The following TECTB variants were observed in gnomAD, a reference collection of about 807,000 sequenced individuals.
The protein encoded by TECTB is tectorin beta.
TECTB carries 45 observed loss-of-function variants against 43.3 expected under a neutral mutation model. The ratio of observed to expected loss-of-function variants is 1.04; its 90% confidence interval spans 0.82 to 1.33. The LOEUF (loss-of-function observed/expected upper bound fraction) is 1.33. TECTB is among the 40% of genes most tolerant of loss of function. TECTB has a pLI of 0.00. For missense variants in TECTB, 399 were observed against 404.7 expected, an observed-to-expected ratio of 0.99 and a Z score of 0.12; for synonymous variants, 169 against 156.7, an observed-to-expected ratio of 1.08 and a Z score of -0.59.
At chr10:112,286,463 G>C in intron 5 of TECTB, 72 bp downstream of exon 5, 1 of 1,488,540 alleles carries the variant, frequency 6.7e-7, no homozygotes, top group Non-Finnish European at 9.2e-7. Context: ...ATGCTTCCTC[G>C]GGATTCAGTC....
intron 8 of TECTB, 75 bp from the exon 9 acceptor site, chr10:112,299,417 T>C (rs929777113): frequency 2.8e-6 from 4 of 1,416,326 alleles, no homozygotes; most frequent in Non-Finnish European, 4.0e-6. Flanking sequence ...ATCTTTTCTT[T>C]CTCTTTTCTC....
At chr10:112,294,475 C>T (rs1328404234) in intron 7 of TECTB, among the ~76,000 whole-genome samples, 2 of 152,070 alleles carry the variant, frequency 1.3e-5, no homozygotes, top group Non-Finnish European at 2.9e-5. Flanking sequence ...AACAGAACCA[C>T]GGTGATGATG....
intron 6 of TECTB, 41 bp downstream of exon 6, chr10:112,293,882 G>GA (rs763256480): frequency 1.1e-5 from 18 of 1,606,204 alleles, no homozygotes; most frequent in East Asian, 4.5e-5. Context: ...TAAATGCAAA[G>GA]AAAAAAAAGA....
chr10:112,289,854 T>C (rs1356662266), intron 5 of TECTB, among the ~76,000 whole-genome samples: 1 of 152,190 alleles, frequency 6.6e-6, no homozygotes, highest in Non-Finnish European at 1.5e-5. Flanking sequence ...AAAATAACTT[T>C]AGGGCAGTTT....
intron 10 of TECTB, 179 bp from the exon 11 acceptor site, chr10:112,303,084 T>C (rs1347184623): frequency 3.1e-6 from 2 of 655,590 alleles, no homozygotes; most frequent in African/African-American, 1.8e-5. Flanking sequence ...TAGGTTTATC[T>C]GTCAGGTTCT....
chr10:112,283,552 C>G (rs12411967), intron 1 of TECTB, 56 bp downstream of exon 1: 108,621 of 599,964 alleles, frequency 0.18, 10,863 homozygotes, highest in East Asian at 0.29. Flanking sequence ...AGAAACGACA[C>G]AACATCGTTT....
At chr10:112,301,162 C>G (rs1848608345) in intron 9 of TECTB, among the ~76,000 whole-genome samples, 1 of 152,212 alleles carries the variant, frequency 6.6e-6, no homozygotes, top group African/African-American at 2.4e-5. Context: ...GTGGCTCATG[C>G]CTCTAATTCC....
rs1258679092 is a variant in TECTB, at chr10:112,286,225, T to C, written c.410+12T>C. The C allele has an allele frequency of 6.2e-7, 1 of 1,614,044 alleles. No individual in the cohort carries two copies. The highest frequency in any genetic ancestry group is 2.2e-5 in the East Asian group (1 of 44,894). The stretch of plus-strand genomic sequence containing the variant: ...GCCTTTGACCAGAGGTAAGTTGCTG[T>C]GCGGCATGGAGGGCTGGCTGCCTCA... On this transcript the variant is annotated intron_variant, in intron 4 of 10. Coordinates refer to ENST00000646139, the MANE Select transcript of TECTB (RefSeq NM_058222.3).
rs1196427539 is a variant in TECTB, at chr10:112,299,672, T to A, written c.907+108T>A. On this transcript the variant is annotated intron_variant, in intron 9 of 10. Coordinates refer to ENST00000646139, the MANE Select transcript of TECTB (RefSeq NM_058222.3). ...TTTTACTGAATTGCCAAACCAGTCG[T>A]GCCTGTGGGCACAACCTTCACCTGC... 14 of 1,248,060 alleles carry A rather than the reference T, an allele frequency of 1.1e-5. No homozygotes were observed. The East Asian group carries it at 3.4e-4, about 30-fold the overall frequency. 77.3% of individuals were successfully genotyped at this position (1,248,060 alleles called of 1,614,324 possible).
At chr10:112,286,495 C>G in intron 5 of TECTB, 104 bp downstream of exon 5, 2 of 1,221,550 alleles carry the variant, frequency 1.6e-6, no homozygotes, top group South Asian at 3.1e-5. Flanking sequence ...CTGTGCAGAG[C>G]CCCATTCTTA....
intron 7 of TECTB, among the ~76,000 whole-genome samples, chr10:112,297,579 T>A (rs971324840): frequency 1.3e-5 from 2 of 152,184 alleles, no homozygotes; most frequent in Non-Finnish European, 2.9e-5. Context: ...TATGTAGATA[T>A]ATATAATTTA....
intron 5 of TECTB, among the ~76,000 whole-genome samples, chr10:112,292,003 G>T (rs955616431): frequency 6.6e-6 from 1 of 152,232 alleles, no homozygotes; most frequent in South Asian, 2.1e-4. Context: ...GGGCGTGGTG[G>T]CAGGCACCTG....
chr10:112,285,770 G>A (rs1229096259), intron 3 of TECTB, among the ~76,000 whole-genome samples: 1 of 152,160 alleles, frequency 6.6e-6, no homozygotes, highest in South Asian at 2.1e-4. Flanking sequence ...TTGACTTTGG[G>A]AAACAGAGAT....
intron 7 of TECTB, among the ~76,000 whole-genome samples, chr10:112,296,355 GC>G (rs1168146474): frequency 1.3e-5 from 2 of 152,134 alleles, no homozygotes; most frequent in Non-Finnish European, 2.9e-5. Context: ...AGAGGCAGCT[GC>G]CACTGAAGTG....
chr10:112,285,518 T>G (rs1216178100), intron 3 of TECTB, among the ~76,000 whole-genome samples: 1 of 152,202 alleles, frequency 6.6e-6, no homozygotes, highest in Non-Finnish European at 1.5e-5. Flanking sequence ...GAGTATATCC[T>G]GGTGAACTAG....
In TECTB at chr10:112,303,521, C is replaced by T; in HGVS notation, c.*209C>T. The T allele has an allele frequency of 3.3e-6, 2 of 606,588 alleles. No individual in the cohort carries two copies. 37.6% of individuals were successfully genotyped at this position (606,588 alleles called of 1,614,324 possible). ...AAAAACTTAGGCTACTTCCCGTGGCCCTTAGATCTCACAGTCCTTCTACAG... is the reference window on the plus strand; with the variant it reads ...AAAAACTTAGGCTACTTCCCGTGGCTCTTAGATCTCACAGTCCTTCTACAG... On this transcript the variant is annotated 3_prime_UTR_variant, in exon 11 of 11. Coordinates refer to ENST00000646139, the MANE Select transcript of TECTB (RefSeq NM_058222.3).
intron 7 of TECTB, among the ~76,000 whole-genome samples, chr10:112,297,208 C>T (rs900072650): frequency 2.6e-5 from 4 of 152,184 alleles, no homozygotes; most frequent in Admixed American, 1.3e-4. Flanking sequence ...CGTTCAGCAG[C>T]AGCCCTGGTC....
At chr10:112,295,356 T>C (rs1373882727) in intron 7 of TECTB, among the ~76,000 whole-genome samples, 1 of 152,256 alleles carries the variant, frequency 6.6e-6, no homozygotes, top group Admixed American at 6.5e-5. Context: ...AATATTAATT[T>C]ATCTAAATGT....
rs2133354279 is a variant in TECTB at position 112,296,012 on chromosome 10, A to G, written c.671+1951A>G. 2.0e-5 allele frequency among the ~76,000 whole-genome samples: 3 copies of G among 152,328 alleles called. No individual in the cohort carries two copies. The South Asian group carries it at 6.2e-4, about 32-fold the overall frequency. ...TCTGCATTTCAACACAGCCAGATGT[A>G]AGACATCCCGACCCATTTCTACATT... is the stretch of plus-strand genomic sequence containing the variant. On this transcript the variant is annotated intron_variant, in intron 7 of 10. Transcript: ENST00000646139.
Sources: gnomAD v4.1 joint callset for allele counts (sites outside exome capture counted in the v4.1 genomes callset) on GRCh38, gnomAD v4.1.1 for gene constraint, MANE v1.5 for transcripts, NCBI Gene and HGNC (gene_info 2026-07-23, HGNC 2026-07-21) for gene names.